Variants in ZNF618 observed in about 807,000 individuals in gnomAD.
ZNF618 encodes the protein neural precursor cell expressed, developmentally down-regulated 10.
In ZNF618, 34 loss-of-function variants were observed where a neutral mutation model predicts 103.0. That is an observed-to-expected ratio of 0.33 (90% confidence interval 0.25 to 0.44). ZNF618 has a LOEUF of 0.44. ZNF618 is among the 20% of genes least tolerant of loss of function. The pLI, the probability that ZNF618 is intolerant of heterozygous loss-of-function variation, is 1.00. For missense variants in ZNF618, 1,059 were observed against 1,295.4 expected (o/e 0.82, Z 2.80); for synonymous variants, 551 against 542.2 (o/e 1.02, Z -0.23).
In ZNF618 at chr9:114,036,378, G is replaced by A; in HGVS notation, c.1246+1G>A. The A allele has an allele frequency of 6.4e-7, 1 of 1,574,794 alleles. No individual in the cohort carries two copies. Among genetic ancestry groups the A allele is most frequent in the Non-Finnish European group, 8.6e-7 (1 of 1,159,426 alleles). ...TTGGAGCACATGCAGTCCCATGCAGGTAAGTAGGATACGGCTTCTCTCCCC... is the reference window on the plus strand; with the variant it reads ...TTGGAGCACATGCAGTCCCATGCAGATAAGTAGGATACGGCTTCTCTCCCC... On this transcript the variant is annotated splice_donor_variant, in intron 13 of 14. Transcript: ENST00000374126. LOFTEE classifies it high-confidence loss of function.
intron 4 of ZNF618, among the ~76,000 whole-genome samples, chr9:113,999,305 G>C (rs1244096345): frequency 2.8e-5 from 4 of 142,286 alleles, no homozygotes; most frequent in Non-Finnish European, 5.9e-5. Context: ...GCTAGGGGCA[G>C]GCGGGGCCCT....
chr9:113,889,414 C>T (rs970372167), intron 1 of ZNF618, among the ~76,000 whole-genome samples: 5 of 151,328 alleles, frequency 3.3e-5, no homozygotes, highest in Admixed American at 6.7e-5. Context: ...AGACTTCTTA[C>T]GTGGCGTCTT....
At chr9:114,041,421 G>C (rs1845169788) in intron 13 of ZNF618, among the ~76,000 whole-genome samples, 1 of 152,216 alleles carries the variant, frequency 6.6e-6, no homozygotes, top group South Asian at 2.1e-4. Context: ...TGTCCTGAAT[G>C]GTATTGCCTA....
intron 1 of ZNF618, among the ~76,000 whole-genome samples, chr9:113,908,120 C>T (rs1476545029): frequency 6.8e-6 from 1 of 147,922 alleles, no homozygotes. Flanking sequence ...GAGGCTCGGG[C>T]AGTCAAAAGA....
At chr9:113,940,462 AT>A (rs888033051) in intron 1 of ZNF618, among the ~76,000 whole-genome samples, 4 of 149,562 alleles carry the variant, frequency 2.7e-5, no homozygotes, top group African/African-American at 9.8e-5. Flanking sequence ...ATTGTAACTG[AT>A]TTTTTTCTTC....
At chr9:114,038,290 C>G (rs1026814235) in intron 13 of ZNF618, among the ~76,000 whole-genome samples, 5 of 152,228 alleles carry the variant, frequency 3.3e-5, no homozygotes, top group Admixed American at 3.3e-4. Context: ...GCTTTCCCAT[C>G]CCTGGAGGCC....
chr9:113,965,114 T>C (rs1015892564), intron 1 of ZNF618, among the ~76,000 whole-genome samples: 4 of 152,060 alleles, frequency 2.6e-5, no homozygotes, highest in Non-Finnish European at 5.9e-5. Context: ...TGCTCGGCTT[T>C]TCAATTTCCT....
rs544197236 is a variant in ZNF618 at position 113,952,869 on chromosome 9, C to G, written c.34-16248C>G. Among the ~76,000 whole-genome samples, 6 of 152,254 alleles carry G rather than the reference C, an allele frequency of 3.9e-5. No homozygotes were observed. In the South Asian group the frequency reaches 1.2e-3, roughly 32 times the overall value. On this transcript the variant is annotated intron_variant, in intron 1 of 14. Transcript: ENST00000374126. ...AACATTCTCAATTGAATTCCATTCC[C>G]TAAAACAGCAAGGCACATCTCAGGA...
intron 13 of ZNF618, among the ~76,000 whole-genome samples, chr9:114,042,383 A>C (rs7848387): frequency 6.6e-6 from 1 of 152,214 alleles, no homozygotes; most frequent in Non-Finnish European, 1.5e-5. Flanking sequence ...ATAAAAATAC[A>C]TAACAGTGGC....
chr9:113,994,887 G>C (rs893611186), intron 3 of ZNF618, among the ~76,000 whole-genome samples: 2 of 149,682 alleles, frequency 1.3e-5, no homozygotes, highest in Non-Finnish European at 3.0e-5. Flanking sequence ...TTTATCCAAA[G>C]TTTAAATCAT....
intron 1 of ZNF618, among the ~76,000 whole-genome samples, chr9:113,916,304 G>A (rs1832072487): frequency 6.6e-6 from 1 of 152,196 alleles, no homozygotes; most frequent in Non-Finnish European, 1.5e-5. Context: ...GAAACAAGCT[G>A]ATGATGTAGC....
intron 2 of ZNF618, among the ~76,000 whole-genome samples, chr9:113,981,146 T>G (rs1838937159): frequency 1.3e-5 from 2 of 152,188 alleles, no homozygotes; most frequent in Non-Finnish European, 2.9e-5. Flanking sequence ...CAGTTCACCT[T>G]CATTCCTAAG....
intron 1 of ZNF618, among the ~76,000 whole-genome samples, chr9:113,889,611 T>G (rs1332046799): frequency 6.6e-6 from 1 of 152,220 alleles, no homozygotes; most frequent in Non-Finnish European, 1.5e-5. Flanking sequence ...GCGTGTCAGC[T>G]TTACATTGAG....
At chr9:113,922,744 A>G (rs1832759542) in intron 1 of ZNF618, among the ~76,000 whole-genome samples, 1 of 152,022 alleles carries the variant, frequency 6.6e-6, no homozygotes, top group South Asian at 2.1e-4. Flanking sequence ...TCAATCCTCC[A>G]ACTTTATTGT....
At position 113,876,369 on chromosome 9, in the gene ZNF618, C is replaced by G. The variant is rs1444001051; in HGVS notation, c.-12C>G. On this transcript the variant is annotated 5_prime_UTR_variant, in exon 1 of 15. Transcript: ENST00000374126. ...CAGGACGCGCCGGGGCCGCCTCCTC[C>G]CGCACGGACCCATGAACCAGCCGGG... is the stretch of plus-strand genomic sequence containing the variant. 2.5e-6 allele frequency: 3 copies of G among 1,194,196 alleles called. No individual in the cohort carries two copies. The highest frequency in any genetic ancestry group is 9.0e-5 in the Admixed American group (2 of 22,150). The allele number at this position is 1,194,196 out of a possible 1,614,324, so 74.0% of individuals were successfully genotyped here. A position where few individuals can be genotyped will look rare whatever the true frequency, so the allele number is the denominator to read the frequency against.
chr9:113,945,559 C>T (rs530925865), intron 1 of ZNF618, among the ~76,000 whole-genome samples: 24 of 152,204 alleles, frequency 1.6e-4, no homozygotes, highest in Non-Finnish European at 3.1e-4. Flanking sequence ...GGATGAATGA[C>T]ACAGGGCTGA....
chr9:113,966,750 C>A (rs1050669810), intron 1 of ZNF618, among the ~76,000 whole-genome samples: 12 of 152,242 alleles, frequency 7.9e-5, no homozygotes, highest in African/African-American at 2.7e-4. Context: ...AAGCAACTCT[C>A]ATCTGCCACC....
intron 1 of ZNF618, among the ~76,000 whole-genome samples, chr9:113,955,198 G>C (rs1345180751): frequency 7.0e-6 from 1 of 142,478 alleles, no homozygotes; most frequent in Non-Finnish European, 1.5e-5. Flanking sequence ...TCCCAAATCA[G>C]ACCCCTTAGA....
intron 1 of ZNF618, among the ~76,000 whole-genome samples, chr9:113,930,341 G>A (rs1467441802): frequency 6.6e-6 from 1 of 152,170 alleles, no homozygotes; most frequent in East Asian, 1.9e-4. Context: ...TTTAAAACTA[G>A]TTAGTTTAAA....
Sources: gnomAD v4.1 joint callset for allele counts (sites outside exome capture counted in the v4.1 genomes callset) on GRCh38, gnomAD v4.1.1 for gene constraint, MANE v1.5 for transcripts, NCBI Gene and HGNC (gene_info 2026-07-23, HGNC 2026-07-21) for gene names.